Variants in CSF2RB observed in about 807,000 individuals in gnomAD.
The protein encoded by CSF2RB is colony stimulating factor 2 receptor subunit beta.
CSF2RB carries 22 observed loss-of-function variants against 67.2 expected under a neutral mutation model. That is an observed-to-expected ratio of 0.33 (90% CI 0.23 to 0.47). The LOEUF is 0.47. Among genes scored for constraint, CSF2RB ranks in the 20% least tolerant of loss-of-function variants. CSF2RB has a pLI of 1.00. For synonymous variants in CSF2RB, 507 were observed against 482.9 expected (o/e 1.05, Z -0.65); for missense variants, 1,113 against 1,174.5 (o/e 0.95, Z 0.76).
In CSF2RB at chr22:36,938,692, G is replaced by C. The variant is rs1941328522; in HGVS notation, c.*190G>C. The C allele has an allele frequency of 5.1e-6, 3 of 592,140 alleles. No individual in the cohort carries two copies. The highest frequency in any genetic ancestry group is 8.9e-6 in the Non-Finnish European group (3 of 336,498). The allele number at this position is 592,140 out of a possible 1,614,324, so 36.7% of individuals were successfully genotyped here. On this transcript the variant is annotated 3_prime_UTR_variant, in exon 14 of 14. Coordinates refer to ENST00000403662, the MANE Select transcript of CSF2RB (RefSeq NM_000395.3). ...TCACTTCTCTCCCTGCGCTCACACA[G>C]ACACACACACACACACGTACATGCA...
chr22:36,929,074 G>A (rs5756412), intron 4 of CSF2RB, among the ~76,000 whole-genome samples: 3 of 152,196 alleles, frequency 2.0e-5, no homozygotes, highest in African/African-American at 4.8e-5. Context: ...CCCTCTGCTA[G>A]CAGGAGCCAC....
intron 3 of CSF2RB, chr22:36,923,824 T>A (rs1470751705): frequency 1.6e-6 from 2 of 1,278,992 alleles, no homozygotes; most frequent in African/African-American, 3.1e-5. Context: ...GGAGGTGAGG[T>A]GCCAGCCCTG....
chr22:36,931,544 A>G (rs917507258), intron 8 of CSF2RB, among the ~76,000 whole-genome samples: 17 of 152,268 alleles, frequency 1.1e-4, no homozygotes, highest in Non-Finnish European at 2.5e-4. Context: ...AATTACGGGC[A>G]TTCATATTAT....
At chr22:36,925,752 GCTT>G (rs1941000651) in intron 3 of CSF2RB, among the ~76,000 whole-genome samples, 4 of 152,068 alleles carry the variant, frequency 2.6e-5, no homozygotes, top group Admixed American at 2.0e-4. Flanking sequence ...CTCCTCACCT[GCTT>G]CTTGCTTTAT....
At chr22:36,915,685 A>C (rs1231390861) in intron 1 of CSF2RB, among the ~76,000 whole-genome samples, 1 of 152,222 alleles carries the variant, frequency 6.6e-6, no homozygotes, top group Non-Finnish European at 1.5e-5. Context: ...GTTGTGCGTT[A>C]GAAATTATAA....
chr22:36,929,377 G>A lies in CSF2RB; in HGVS notation c.392-25G>A. 2.5e-6 allele frequency: 4 copies of A among 1,614,110 alleles called. No homozygotes were observed. In the South Asian group the frequency reaches 4.4e-5, roughly 18 times the overall value. ...TGCCCCCCAGCGGTCCAGCCCTTAG[G>A]TGCCCTTCACTTCCTCCCCTCCAGT... On this transcript the variant is annotated intron_variant, in intron 4 of 13. Coordinates refer to ENST00000403662, the MANE Select transcript of CSF2RB (RefSeq NM_000395.3).
In CSF2RB at chr22:36,922,109, G is replaced by A; in HGVS notation, c.-99G>A. Reference sequence around the variant, plus strand: ...AATGGGTCTGGCCTGGCTCCCAGCTGGGCAGGAACACAGGACTTCAGGACA... The same window carrying A: ...AATGGGTCTGGCCTGGCTCCCAGCTAGGCAGGAACACAGGACTTCAGGACA... On this transcript the variant is annotated 5_prime_UTR_variant, in exon 2 of 14. Transcript: ENST00000403662. 2 of 1,150,576 alleles carry A rather than the reference G, an allele frequency of 1.7e-6. No homozygotes were observed. The highest frequency in any genetic ancestry group is 2.5e-6 in the Non-Finnish European group (2 of 794,836). The allele number at this position is 1,150,576 out of a possible 1,614,324, so 71.3% of individuals were successfully genotyped here. A position where few individuals can be genotyped will look rare whatever the true frequency, so the allele number is the denominator to read the frequency against.
intron 9 of CSF2RB, 140 bp from the exon 10 acceptor site, chr22:36,933,692 C>T (rs566352347): frequency 1.4e-5 from 16 of 1,162,248 alleles, no homozygotes; most frequent in African/African-American, 7.6e-5. Flanking sequence ...GGAGGATCCA[C>T]GGTGGTGAGA....
chr22:36,925,896 C>A, intron 3 of CSF2RB, 91 bp from the exon 4 acceptor site: 1 of 1,402,374 alleles, frequency 7.1e-7, no homozygotes, highest in Non-Finnish European at 1.0e-6. Context: ...TGATTCTGAA[C>A]AGAGCCAGGC....
intron 3 of CSF2RB, among the ~76,000 whole-genome samples, chr22:36,925,123 G>A (rs971798427): frequency 2.0e-5 from 3 of 152,176 alleles, no homozygotes; most frequent in African/African-American, 7.2e-5. Flanking sequence ...CTTTCTAAAT[G>A]GGAGCTCCTA....
In CSF2RB at chr22:36,939,023, G is replaced by A. The variant is rs1941334742; in HGVS notation, c.*521G>A. The stretch of plus-strand genomic sequence containing the variant: ...GGGAGGCACCAGGTGGGCACCCGTG[G>A]GGGTTAGGGCTTGGAAGAGTGGCAC... On this transcript the variant is annotated 3_prime_UTR_variant, in exon 14 of 14. Coordinates refer to ENST00000403662, the MANE Select transcript of CSF2RB (RefSeq NM_000395.3). 2 of 640,470 alleles carry A rather than the reference G, an allele frequency of 3.1e-6. No individual in the cohort carries two copies. Among genetic ancestry groups the A allele is most frequent in the Non-Finnish European group, 5.7e-6 (2 of 352,092 alleles). 39.7% of individuals were successfully genotyped at this position (640,470 alleles called of 1,614,324 possible). A position where few individuals can be genotyped will look rare whatever the true frequency, so the allele number is the denominator to read the frequency against.
intron 3 of CSF2RB, chr22:36,923,629 ATCT>A (rs768066102): frequency 1.3e-5 from 12 of 905,204 alleles, no homozygotes; most frequent in Non-Finnish European, 1.6e-5. Flanking sequence ...AATGGTGAAA[ATCT>A]TCTCTTGTTT....
chr22:36,934,117 C>A (rs541620730), intron 10 of CSF2RB, 123 bp downstream of exon 10: 10 of 1,307,096 alleles, frequency 7.7e-6, no homozygotes, highest in Non-Finnish European at 1.1e-5. Context: ...GCCGTCTCCC[C>A]GATTAGATGG....
intron 8 of CSF2RB, among the ~76,000 whole-genome samples, chr22:36,932,129 A>G (rs556915816): frequency 1.3e-5 from 2 of 152,352 alleles, no homozygotes; most frequent in South Asian, 2.1e-4. Flanking sequence ...ATAAGTATGT[A>G]TAACAGTGGC....
Position 36,938,336 on chromosome 22 carries a change from G to T in CSF2RB, c.2528G>T (p.Gly843Val). The T allele has an allele frequency of 6.2e-7, 1 of 1,614,146 alleles. No homozygotes were observed. Among genetic ancestry groups the T allele is most frequent in the Non-Finnish European group, 8.5e-7 (1 of 1,180,026 alleles). ...CTCCGGAGTAAACCTTCTTCCCCGG[G>T]ACCCGGTCCTGAGATCAAGAACCTA... The part of the protein sequence containing the change: ...LSLRSKPSSP[G>V]PGPEIKNLDQ... The change falls in exon 14 of 14, where the codon GGA (glycine) becomes GTA (valine). Residue 843 changes from glycine to valine, a missense_variant. Around this residue, in one of 2 missense-constraint regions of CSF2RB, gnomAD observed 554 missense variants for 517.9 expected, o/e 1.07. Transcript: ENST00000403662.
rs2145808507 is a variant in CSF2RB, at chr22:36,930,732, A to G, written c.914A>G (p.His305Arg). 1 of 1,613,566 alleles carries G rather than the reference A, an allele frequency of 6.2e-7. No homozygotes were observed. ...CTCGGCAGCCTCCACACCAGGCACCACTGCCAGATTCCCGTGCCCGACCCC... is the reference window on the plus strand; with the variant it reads ...CTCGGCAGCCTCCACACCAGGCACCGCTGCCAGATTCCCGTGCCCGACCCC... ...EGLGSLHTRH[H>R]CQIPVPDPAT... Residue 305 changes from histidine (H) to arginine (R), a missense_variant, in exon 8 of 14, where the codon CAC (histidine) becomes CGC (arginine). By Grantham distance (29) the His-to-Arg change is conservative. This residue lies in a region of CSF2RB where 559 missense variants were observed against 656.5 expected (regional missense o/e 0.85). Coordinates refer to ENST00000403662, the MANE Select transcript of CSF2RB (RefSeq NM_000395.3).
In CSF2RB at chr22:36,938,210, C is replaced by A; in HGVS notation, c.2402C>A (p.Ala801Glu). 1 of 1,614,162 alleles carries A rather than the reference C, an allele frequency of 6.2e-7. No individual in the cohort carries two copies. The highest frequency in any genetic ancestry group is 8.5e-7 in the Non-Finnish European group (1 of 1,179,998). Residue 801 changes from alanine (A) to glutamate (E), a missense_variant, in exon 14 of 14, where the codon GCA becomes GAA. By Grantham distance (107) the Ala-to-Glu change is moderately radical. Transcript: ENST00000403662. ...GTCCTGAACCCAGGGGAACGCCCGG[C>A]AGATGTGTCCCCAACATCCCCACAG... is the stretch of plus-strand genomic sequence containing the variant. The part of the protein sequence containing the change: ...SPVLNPGERP[A>E]DVSPTSPQPE...
rs1940975446 is a variant in CSF2RB, at chr22:36,924,923, A to C, written c.201-1064A>C. On this transcript the variant is annotated intron_variant, in intron 3 of 13. Coordinates refer to ENST00000403662, the MANE Select transcript of CSF2RB (RefSeq NM_000395.3). ...TCTCTGCTGTATCCACTCTGCAGAG[A>C]CCCCCTCAGGCCCCTGGGGCATCTC... Among the ~76,000 whole-genome samples, 3 of 150,744 alleles carry C rather than the reference A, an allele frequency of 2.0e-5. 1 individual carries two copies. In the South Asian group the frequency reaches 6.3e-4, roughly 32 times the overall value.
At chr22:36,924,292 C>T (rs6000486) in intron 3 of CSF2RB, among the ~76,000 whole-genome samples, 3,796 of 151,788 alleles carry the variant, frequency 0.025, 65 homozygotes, top group South Asian at 0.057. Flanking sequence ...TGCCCACCGC[C>T]GGGGCCTGGG....
Sources: allele counts gnomAD v4.1 joint callset (sites outside exome capture counted in the v4.1 genomes callset), GRCh38; gene constraint gnomAD v4.1.1; regional missense constraint gnomAD v4.1.1; transcripts MANE v1.5; gene names NCBI Gene and HGNC (gene_info 2026-07-23, HGNC 2026-07-21).